The following SEM1 variants were observed in gnomAD, a reference collection of about 807,000 sequenced individuals.
SEM1 encodes 26S proteasome complex subunit SEM1.
A neutral mutation model predicts 12.7 loss-of-function variants in SEM1; 3 were observed. The ratio of observed to expected loss-of-function variants is 0.24; its 90% CI spans 0.11 to 0.61. The LOEUF (loss-of-function observed/expected upper bound fraction) is 0.61, where lower values mean the gene tolerates loss of function less well. Ranked by LOEUF, SEM1 falls within the 20% of genes least tolerant of loss-of-function variation. SEM1 has a pLI of 0.88. For synonymous variants in SEM1, 30 were observed against 27.8 expected (o/e 1.08, Z -0.25); for missense variants, 59 against 81.3 (o/e 0.73, Z 1.06).
At chr7:96,614,715 C>A (rs1391972119) in intron 2 of SEM1, among the ~76,000 whole-genome samples, 1 of 152,218 alleles carries the variant, frequency 6.6e-6, no homozygotes, top group African/African-American at 2.4e-5. Flanking sequence ...TCTTCATCTC[C>A]TTCTGCACAT....
intron 2 of SEM1, among the ~76,000 whole-genome samples, chr7:96,553,071 G>C (rs1441473178): frequency 3.3e-5 from 5 of 152,082 alleles, no homozygotes; most frequent in African/African-American, 1.2e-4. Flanking sequence ...ATTTGTTTGA[G>C]TTCATTGTAG....
In SEM1 at chr7:96,506,383, G is replaced by A. The variant is rs138256401; in HGVS notation, c.*60+240C>T. 1.2e-3 allele frequency among the ~76,000 whole-genome samples: 187 copies of A among 152,186 alleles called. 1 individual carries two copies. Among genetic ancestry groups the A allele is most frequent in the African/African-American group, 4.2e-3 (176 of 41,558 alleles). Reference sequence around the variant, plus strand: ...AATATGTTTGGAGTACTGTTTAAATGATAAGACACACCTATCTTTTCTGTG... The same window carrying A: ...AATATGTTTGGAGTACTGTTTAAATAATAAGACACACCTATCTTTTCTGTG... On this transcript the variant is annotated intron_variant and NMD_transcript_variant, in intron 3 of 3. Coordinates refer to the SEM1 transcript ENST00000466986.
chr7:96,672,108 A>G (rs1488406429), downstream of SEM1, among the ~76,000 whole-genome samples: 1 of 152,216 alleles, frequency 6.6e-6, no homozygotes, highest in Non-Finnish European at 1.5e-5. Flanking sequence ...CTCATGTATA[A>G]TCACCTGAAA....
At chr7:96,645,246 A>C (rs1378482577) in intron 2 of SEM1, 1 of 152,468 alleles carries the variant, frequency 6.6e-6, no homozygotes, top group Non-Finnish European at 1.5e-5. Context: ...GTTAGGTGGC[A>C]GAGATTGAGA....
At chr7:96,482,805 C>A (rs561787560) in exon 4 of SEM1, 1 of 152,286 alleles carries the variant, frequency 6.6e-6, no homozygotes, top group African/African-American at 2.4e-5. Context: ...AGCCGAGGCA[C>A]AGTGTTAGAG....
intron 2 of SEM1, among the ~76,000 whole-genome samples, chr7:96,590,050 A>G (rs956992828): frequency 6.6e-6 from 1 of 152,220 alleles, no homozygotes; most frequent in Non-Finnish European, 1.5e-5. Flanking sequence ...TTTCTTGCCA[A>G]TTATATTTTA....
rs560142517 is a variant in SEM1 at position 96,588,487 on chromosome 7, A to T, written c.171-81789T>A. On this transcript the variant is annotated intron_variant and NMD_transcript_variant, in intron 2 of 3. Transcript: ENST00000466986. ...ACATTAGGTTTGACATGATAGGTAT[A>T]TTATTTGATAATAAAAGCTCATTTC... Among the ~76,000 whole-genome samples the T allele has an allele frequency of 3.7e-5, 4 of 106,766 alleles. No homozygotes were observed. In the South Asian group the frequency reaches 1.3e-3, roughly 36 times the overall value. The allele number at this position is 106,766 out of a possible 152,430, so 70.0% of individuals were successfully genotyped here.
intron 2 of SEM1, among the ~76,000 whole-genome samples, chr7:96,576,802 T>C (rs1319522053): frequency 6.6e-6 from 1 of 152,098 alleles, no homozygotes; most frequent in African/African-American, 2.4e-5. Context: ...ACAAAAACCT[T>C]CCTAATATAG....
At chr7:96,655,036 A>G (rs1473047501) in intron 2 of SEM1, among the ~76,000 whole-genome samples, 1 of 152,196 alleles carries the variant, frequency 6.6e-6, no homozygotes, top group African/African-American at 2.4e-5. Context: ...CTAAGCACTT[A>G]GAGCCTAGTC....
At chr7:96,508,145 T>C (rs1803813669) in intron 2 of SEM1, among the ~76,000 whole-genome samples, 1 of 151,704 alleles carries the variant, frequency 6.6e-6, no homozygotes, top group Admixed American at 6.6e-5. Flanking sequence ...ATCAATGAAA[T>C]AAAAGCAGAT....
intron 2 of SEM1, among the ~76,000 whole-genome samples, chr7:96,693,060 A>G (rs1230350059): frequency 6.6e-6 from 1 of 152,050 alleles, no homozygotes; most frequent in East Asian, 1.9e-4. Context: ...AATTATTATC[A>G]GTCTCCAGCA....
intron 2 of SEM1, among the ~76,000 whole-genome samples, chr7:96,569,043 C>T (rs1805937334): frequency 6.6e-6 from 1 of 151,778 alleles, no homozygotes; most frequent in African/African-American, 2.4e-5. Context: ...ATATTAAATC[C>T]AGTATTAGCT....
At chr7:96,639,413 C>G (rs1435683412) in intron 2 of SEM1, among the ~76,000 whole-genome samples, 1 of 151,816 alleles carries the variant, frequency 6.6e-6, no homozygotes, top group Non-Finnish European at 1.5e-5. Flanking sequence ...GAATAGATTA[C>G]CCAGAAATAG....
intron 2 of SEM1, among the ~76,000 whole-genome samples, chr7:96,507,041 T>C (rs143409830): frequency 7.9e-5 from 12 of 152,110 alleles, no homozygotes; most frequent in African/African-American, 2.9e-4. Context: ...ACACCTGTAA[T>C]ACTTTATCTC....
intron 2 of SEM1, among the ~76,000 whole-genome samples, chr7:96,692,850 A>G (rs1375719716): frequency 6.6e-6 from 1 of 152,118 alleles, no homozygotes; most frequent in Non-Finnish European, 1.5e-5. Context: ...TAAGACAGGT[A>G]AGATAACTGC....
chr7:96,680,018 A>G (rs1481135519), intron 2 of SEM1, among the ~76,000 whole-genome samples: 2 of 152,096 alleles, frequency 1.3e-5, no homozygotes, highest in Non-Finnish European at 2.9e-5. Flanking sequence ...CTGCCCACAC[A>G]TGGGTCATAC....
At chr7:96,623,324 A>G (rs1344998533) in intron 2 of SEM1, among the ~76,000 whole-genome samples, 1 of 152,008 alleles carries the variant, frequency 6.6e-6, no homozygotes, top group Non-Finnish European at 1.5e-5. Flanking sequence ...TGGGTTTCCA[A>G]CTGTAGACAG....
intron 2 of SEM1, among the ~76,000 whole-genome samples, chr7:96,520,103 G>T (rs1212351496): frequency 6.6e-6 from 1 of 152,150 alleles, no homozygotes; most frequent in South Asian, 2.1e-4. Flanking sequence ...AATCATCCCA[G>T]CTGAGATGAC....
intron 3 of SEM1, among the ~76,000 whole-genome samples, chr7:96,504,727 T>C (rs1035922882): frequency 6.6e-6 from 1 of 152,154 alleles, no homozygotes; most frequent in African/African-American, 2.4e-5. Context: ...CCAATGATCT[T>C]ATAAATGTTA....
Sources: allele counts gnomAD v4.1 joint callset (sites outside exome capture counted in the v4.1 genomes callset), GRCh38; gene constraint gnomAD v4.1.1; transcripts MANE v1.5; gene names NCBI Gene and HGNC (gene_info 2026-07-23, HGNC 2026-07-21).